Variants in ARFIP1 observed in about 807,000 individuals in gnomAD.
ARFIP1 encodes ARF interacting protein 1, also known as arfaptin-1.
ARFIP1 carries 24 observed loss-of-function variants against 42.5 expected under a neutral mutation model. The ratio of observed to expected loss-of-function variants is 0.57; its 90% CI spans 0.41 to 0.80. The LOEUF (loss-of-function observed/expected upper bound fraction) is 0.80, where lower values mean the gene tolerates loss of function less well. Among genes scored for constraint, ARFIP1 ranks in the 30% least tolerant of loss-of-function variants. The pLI is 0.00. For missense variants in ARFIP1, 354 were observed against 434.0 expected, an observed-to-expected ratio of 0.82 and a Z score of 1.64; for synonymous variants, 141 against 153.7, an observed-to-expected ratio of 0.92 and a Z score of 0.61.
chr4:152,866,905 C>T (rs575654304), intron 3 of ARFIP1, among the ~76,000 whole-genome samples: 1 of 151,070 alleles, frequency 6.6e-6, no homozygotes, highest in East Asian at 2.0e-4. Flanking sequence ...GATGGGCGGC[C>T]GGGCAGAGAC....
rs916549904 is a variant in ARFIP1 at position 152,911,409 on chromosome 4, C to G, written c.*1190C>G. 1.3e-5 allele frequency: 2 copies of G among 152,202 alleles called. No homozygotes were observed. The highest frequency in any genetic ancestry group is 4.8e-5 in the African/African-American group (2 of 41,390). The allele number at this position is 152,202 out of a possible 1,614,324, so 9.4% of individuals were successfully genotyped here. A position where few individuals can be genotyped will look rare whatever the true frequency, so the allele number is the denominator to read the frequency against. Reference sequence around the variant, plus strand: ...GGTAATTTGGGACAGTGTGGTGGTACCAGGAAGAAAGAGGATTGGAAAGGC... The same window carrying G: ...GGTAATTTGGGACAGTGTGGTGGTAGCAGGAAGAAAGAGGATTGGAAAGGC... On this transcript the variant is annotated 3_prime_UTR_variant, in exon 9 of 9. Transcript: ENST00000353617.
intron 2 of ARFIP1, among the ~76,000 whole-genome samples, chr4:152,858,256 C>T (rs1733602519): frequency 6.6e-6 from 1 of 152,154 alleles, no homozygotes; most frequent in Non-Finnish European, 1.5e-5. Flanking sequence ...CACACCACTG[C>T]ACTCCAGCCT....
At chr4:152,850,242 A>T (rs1181907018) in intron 2 of ARFIP1, among the ~76,000 whole-genome samples, 3 of 152,222 alleles carry the variant, frequency 2.0e-5, no homozygotes, top group Non-Finnish European at 4.4e-5. Context: ...ATTTTTAATG[A>T]TCGGTGAAAA....
At chr4:152,853,647 T>C (rs999101581) in intron 2 of ARFIP1, among the ~76,000 whole-genome samples, 1 of 152,204 alleles carries the variant, frequency 6.6e-6, no homozygotes, top group African/African-American at 2.4e-5. Context: ...TTTTGTATTG[T>C]ATCAGTTTGG....
At chr4:152,865,300 C>G (rs1734235622) in intron 3 of ARFIP1, among the ~76,000 whole-genome samples, 1 of 151,990 alleles carries the variant, frequency 6.6e-6, no homozygotes, top group Admixed American at 6.6e-5. Context: ...CCATGCCGGG[C>G]TAATTTTTAT....
chr4:152,870,684 CTA>C, intron 3 of ARFIP1, 67 bp from the exon 4 acceptor site: 1 of 1,022,286 alleles, frequency 9.8e-7, no homozygotes, highest in Non-Finnish European at 1.5e-6. Context: ...ATCAGTAACC[CTA>C]TATTCAAAAT....
At chr4:152,791,767 A>G (rs766567156) in intron 1 of ARFIP1, among the ~76,000 whole-genome samples, 18 of 152,158 alleles carry the variant, frequency 1.2e-4, no homozygotes, top group African/African-American at 1.7e-4. Flanking sequence ...CAAAAGGTTA[A>G]TAGTCTTTAA....
chr4:152,810,574 T>TGA (rs1458282120), intron 1 of ARFIP1, among the ~76,000 whole-genome samples: 1 of 151,744 alleles, frequency 6.6e-6, no homozygotes, highest in Admixed American at 6.6e-5. Flanking sequence ...TTCGGGAGGC[T>TGA]GAGGCGGGTG....
chr4:152,860,484 C>T (rs910453604), intron 2 of ARFIP1, among the ~76,000 whole-genome samples: 2 of 152,178 alleles, frequency 1.3e-5, no homozygotes, highest in African/African-American at 4.8e-5. Flanking sequence ...CACCCTGTAT[C>T]TCTCAGTCCA....
At chr4:152,796,997 A>C (rs551612765) in intron 1 of ARFIP1, among the ~76,000 whole-genome samples, 4 of 152,306 alleles carry the variant, frequency 2.6e-5, no homozygotes, top group Non-Finnish European at 4.4e-5. Context: ...TCCAATTAAA[A>C]AATTTTATGT....
intron 7 of ARFIP1, among the ~76,000 whole-genome samples, chr4:152,885,475 C>T (rs560828182): frequency 1.6e-4 from 24 of 152,030 alleles, no homozygotes; most frequent in African/African-American, 5.3e-4. Context: ...TTTACATAAG[C>T]CATAAAGTAA....
At chr4:152,781,336 A>G (rs577913328) in intron 1 of ARFIP1, among the ~76,000 whole-genome samples, 1 of 150,598 alleles carries the variant, frequency 6.6e-6, no homozygotes, top group South Asian at 2.1e-4. Context: ...CCCAGGCTCA[A>G]GCTTTTCTCC....
chr4:152,905,494 A>G (rs1246844826), intron 8 of ARFIP1, among the ~76,000 whole-genome samples: 2 of 141,070 alleles, frequency 1.4e-5, no homozygotes, highest in Non-Finnish European at 3.1e-5. Context: ...TGTCTGTTCA[A>G]ATTTTTTACC....
At chr4:152,804,074 TTATATATAA>T (rs562808814) in intron 1 of ARFIP1, among the ~76,000 whole-genome samples, 1,232 of 104,908 alleles carry the variant, frequency 0.012, 70 homozygotes, top group African/African-American at 0.041. Flanking sequence ...GTAATATATA[TTATATATAA>T]TATAACGTAA....
chr4:152,885,507 C>T (rs1253233101), intron 7 of ARFIP1, among the ~76,000 whole-genome samples: 4 of 151,746 alleles, frequency 2.6e-5, no homozygotes, highest in East Asian at 3.9e-4. Flanking sequence ...TTTGTTGATA[C>T]GGACTCAGTT....
intron 8 of ARFIP1, among the ~76,000 whole-genome samples, chr4:152,909,856 A>G (rs1038852306): frequency 6.6e-6 from 1 of 152,214 alleles, no homozygotes; most frequent in East Asian, 1.9e-4. Context: ...AAACTGACCT[A>G]TTCTCTTTAG....
intron 2 of ARFIP1, among the ~76,000 whole-genome samples, chr4:152,845,986 T>G (rs1004238671): frequency 3.3e-5 from 5 of 152,208 alleles, no homozygotes; most frequent in African/African-American, 1.2e-4. Context: ...ATGTGGTAGA[T>G]ATACATCATT....
intron 1 of ARFIP1, among the ~76,000 whole-genome samples, chr4:152,813,338 C>T (rs754052042): frequency 1.3e-5 from 2 of 152,220 alleles, no homozygotes; most frequent in African/African-American, 2.4e-5. Flanking sequence ...ACCAGTCCCC[C>T]ACAGATACCA....
intron 2 of ARFIP1, among the ~76,000 whole-genome samples, chr4:152,861,722 G>T (rs1733908825): frequency 6.6e-6 from 1 of 152,110 alleles, no homozygotes; most frequent in Non-Finnish European, 1.5e-5. Context: ...TTTGGTTCAT[G>T]ATTATGGAAA....
Sources: allele counts gnomAD v4.1 joint callset (sites outside exome capture counted in the v4.1 genomes callset), GRCh38; gene constraint gnomAD v4.1.1; transcripts MANE v1.5; gene names NCBI Gene and HGNC (gene_info 2026-07-23, HGNC 2026-07-21).